The following MEIKIN variants were observed in gnomAD, a reference collection of about 807,000 sequenced individuals.
The protein encoded by MEIKIN is meiotic kinetochore factor.
chr5:131,860,339 C>A (rs543136820), intron 9 of MEIKIN, among the ~76,000 whole-genome samples: 1 of 71,002 alleles, frequency 1.4e-5, no homozygotes, highest in African/African-American at 6.3e-5. Flanking sequence ...AATGTGATTG[C>A]CTTCTTGATT....
chr5:131,931,603 T>C (rs938259232), intron 5 of MEIKIN, among the ~76,000 whole-genome samples: 4 of 152,194 alleles, frequency 2.6e-5, no homozygotes. Context: ...TCCTCTCAAC[T>C]GTATGATGCT....
chr5:131,876,343 G>A (rs1750612593), intron 9 of MEIKIN, among the ~76,000 whole-genome samples: 1 of 151,620 alleles, frequency 6.6e-6, no homozygotes, highest in African/African-American at 2.4e-5. Flanking sequence ...AAGGATATGA[G>A]CAGACACTTC....
At chr5:131,885,585 A>G (rs879627125) in intron 8 of MEIKIN, among the ~76,000 whole-genome samples, 16 of 152,212 alleles carry the variant, frequency 1.1e-4, no homozygotes, top group Non-Finnish European at 2.1e-4. Context: ...GGTGCCGCCT[A>G]ATGAAGATAC....
rs943203377 is a variant in MEIKIN at position 131,938,954 on chromosome 5, C to T, written c.349+3681G>A. On this transcript the variant is annotated intron_variant, in intron 4 of 12. Transcript: ENST00000442687. The stretch of plus-strand genomic sequence containing the variant: ...CAGGGACCAGGCCATATTACCAGAA[C>T]GCACAAATTCCAGTCTTCTCCTGGG... Among the ~76,000 whole-genome samples, 10 of 152,296 alleles carry T rather than the reference C, an allele frequency of 6.6e-5. No homozygotes were observed. The South Asian group carries it at 1.2e-3, about 19-fold the overall frequency.
chr5:131,919,875 T>C (rs757372132), intron 6 of MEIKIN, among the ~76,000 whole-genome samples: 2 of 152,148 alleles, frequency 1.3e-5, no homozygotes, highest in African/African-American at 2.4e-5. Context: ...CTTAAAACCA[T>C]AGTAATATTT....
chr5:131,898,424 A>G (rs113023654), intron 8 of MEIKIN, among the ~76,000 whole-genome samples: 45 of 152,342 alleles, frequency 3.0e-4, no homozygotes, highest in African/African-American at 1.0e-3. Context: ...TCAGAGCTCA[A>G]ACGCTGTGCT....
intron 9 of MEIKIN, among the ~76,000 whole-genome samples, chr5:131,860,741 C>T (rs1750270500): frequency 6.7e-6 from 1 of 149,142 alleles, no homozygotes; most frequent in African/African-American, 2.5e-5. Context: ...GCCACCATGC[C>T]CAGCCTGTTT....
chr5:131,927,946 C>A (rs893792249), intron 5 of MEIKIN, among the ~76,000 whole-genome samples: 1 of 151,832 alleles, frequency 6.6e-6, no homozygotes, highest in Non-Finnish European at 1.5e-5. Context: ...GAGATCGAGA[C>A]CATCCTGGCT....
intron 8 of MEIKIN, among the ~76,000 whole-genome samples, chr5:131,891,191 C>A (rs1310662710): frequency 6.6e-6 from 1 of 152,144 alleles, no homozygotes; most frequent in Non-Finnish European, 1.5e-5. Context: ...AATGTATATT[C>A]TGTTGATTTG....
intron 11 of MEIKIN, among the ~76,000 whole-genome samples, chr5:131,847,049 G>A (rs1291928495): frequency 6.6e-6 from 1 of 151,740 alleles, no homozygotes; most frequent in African/African-American, 2.4e-5. Context: ...AATAGCTATA[G>A]AATATACACA....
intron 8 of MEIKIN, among the ~76,000 whole-genome samples, chr5:131,884,155 G>C (rs1199017888): frequency 6.6e-6 from 1 of 151,586 alleles, no homozygotes; most frequent in Non-Finnish European, 1.5e-5. Context: ...ACTTGGGGTG[G>C]GCAGGGCGGG....
intron 4 of MEIKIN, among the ~76,000 whole-genome samples, chr5:131,935,125 C>T (rs1370970453): frequency 6.7e-6 from 1 of 148,396 alleles, no homozygotes; most frequent in Non-Finnish European, 1.5e-5. Flanking sequence ...TGCAAATGGA[C>T]TGAAATCCAG....
chr5:131,905,287 T>C (rs976393790), intron 8 of MEIKIN, among the ~76,000 whole-genome samples: 5 of 152,104 alleles, frequency 3.3e-5, no homozygotes, highest in Non-Finnish European at 2.9e-5. Flanking sequence ...CTCTGGGACA[T>C]AGCCAAAGCA....
chr5:131,915,626 C>T (rs2149645340), intron 7 of MEIKIN, among the ~76,000 whole-genome samples: 1 of 152,204 alleles, frequency 6.6e-6, no homozygotes, highest in African/African-American at 2.4e-5. Context: ...GATCACCTAC[C>T]AATATGCCAT....
chr5:131,859,765 G>A (rs2149618710), intron 9 of MEIKIN, among the ~76,000 whole-genome samples: 1 of 152,252 alleles, frequency 6.6e-6, no homozygotes, highest in East Asian at 1.9e-4. Flanking sequence ...TCATTCTTCT[G>A]CATGGGGATA....
chr5:131,893,097 C>G (rs535772419), intron 8 of MEIKIN, among the ~76,000 whole-genome samples: 75 of 152,208 alleles, frequency 4.9e-4, no homozygotes, highest in African/African-American at 1.8e-3. Flanking sequence ...GAGGAGTATG[C>G]GGCCATGTGA....
chr5:131,874,024 T>G (rs1390496590), intron 9 of MEIKIN, among the ~76,000 whole-genome samples: 1 of 152,152 alleles, frequency 6.6e-6, no homozygotes, highest in African/African-American at 2.4e-5. Context: ...TAGCACTAAA[T>G]GCCCACAAGA....
chr5:131,818,332 A>G (rs1773138909), intron 12 of MEIKIN, among the ~76,000 whole-genome samples: 1 of 152,242 alleles, frequency 6.6e-6, no homozygotes, highest in South Asian at 2.1e-4. Flanking sequence ...ATTTTACATT[A>G]GTGCCATACG....
chr5:131,894,435 G>A, intron 8 of MEIKIN, among the ~76,000 whole-genome samples: 1 of 152,198 alleles, frequency 6.6e-6, no homozygotes. Context: ...ATTCTGTGAA[G>A]AAAGTCATTG....
Sources: gnomAD v4.1 joint callset for allele counts (sites outside exome capture counted in the v4.1 genomes callset) on GRCh38, gnomAD v4.1.1 for gene constraint, MANE v1.5 for transcripts, NCBI Gene and HGNC (gene_info 2026-07-23, HGNC 2026-07-21) for gene names.